The following VWA3A variants were observed in gnomAD, a reference collection of about 807,000 sequenced individuals.
VWA3A encodes the protein von Willebrand factor A domain-containing protein 3A.
In VWA3A, 134 loss-of-function variants were observed where a neutral mutation model predicts 160.4. The observed-to-expected ratio is 0.84, with a 90% CI of 0.73 to 0.96. The LOEUF (loss-of-function observed/expected upper bound fraction) is 0.96, where lower values mean the gene tolerates loss of function less well. Among genes scored for constraint, VWA3A ranks in the 40% least tolerant of loss-of-function variants. The pLI is 0.00. For synonymous variants in VWA3A, 476 were observed against 543.4 expected, an observed-to-expected ratio of 0.88 and a Z score of 1.72; for missense variants, 1,310 against 1,447.9, an observed-to-expected ratio of 0.90 and a Z score of 1.55.
chr16:22,114,932 A>G (rs909183905), intron 8 of VWA3A, among the ~76,000 whole-genome samples: 4 of 152,028 alleles, frequency 2.6e-5, no homozygotes, highest in Non-Finnish European at 5.9e-5. Context: ...CAGCCTCCCA[A>G]GTAGCTGGGA....
intron 19 of VWA3A, 121 bp from the exon 20 acceptor site, chr16:22,132,779 C>T: frequency 1.1e-6 from 1 of 915,076 alleles, no homozygotes; most frequent in South Asian, 1.8e-5. Context: ...CATCCTTGTG[C>T]CAAGGACTGG....
chr16:22,121,662 C>A, intron 14 of VWA3A, 45 bp downstream of exon 14: 1 of 1,459,876 alleles, frequency 6.8e-7, no homozygotes, highest in South Asian at 1.1e-5. Context: ...CAGGAGAGCT[C>A]CCTTGTGGCT....
At chr16:22,148,120 CCTCA>C in intron 27 of VWA3A, 38 bp from the exon 28 acceptor site, 1 of 1,546,786 alleles carries the variant, frequency 6.5e-7, no homozygotes. Context: ...AGGAGGGACC[CCTCA>C]CTCCCTCCCT....
chr16:22,115,570 G>A, intron 9 of VWA3A, 98 bp downstream of exon 9: 1 of 1,356,266 alleles, frequency 7.4e-7, no homozygotes. Flanking sequence ...AGTGGCTCAT[G>A]CCTGTAATCC....
In VWA3A at chr16:22,144,234, C is replaced by T. The variant is rs554282840; in HGVS notation, c.2593-13C>T. 4.1e-5 allele frequency: 66 copies of T among 1,605,334 alleles called. No homozygotes were observed. Among genetic ancestry groups the T allele is most frequent in the Middle Eastern group, 1.7e-4 (1 of 6,048 alleles). On this transcript the variant is annotated splice_polypyrimidine_tract_variant and intron_variant, in intron 25 of 33. Transcript: ENST00000389398. Reference sequence around the variant, plus strand: ...AATTGCCTAAGATAATAGTTCTTTCCTTTATTCTAAAGTGGGTGGCAAAAT... The same window carrying T: ...AATTGCCTAAGATAATAGTTCTTTCTTTTATTCTAAAGTGGGTGGCAAAAT...
chr16:22,122,981 A>G lies in VWA3A; in HGVS notation c.1357-104A>G, dbSNP rs1284220694. 7.7e-6 allele frequency: 7 copies of G among 905,234 alleles called. No homozygotes were observed. In the East Asian group the frequency reaches 1.6e-4, roughly 21 times the overall value. 56.1% of individuals were successfully genotyped at this position (905,234 alleles called of 1,614,324 possible). On this transcript the variant is annotated intron_variant, in intron 14 of 33. Transcript: ENST00000389398. ...TCGATCCGACCTCAAATGTGTTCAG[A>G]GTCCACTTCACTCTCCTGCACCTGA...
chr16:22,109,635 T>C, intron 7 of VWA3A, 55 bp downstream of exon 7: 2 of 1,498,284 alleles, frequency 1.3e-6, no homozygotes, highest in Non-Finnish European at 9.2e-7. Context: ...CCCCAGCCTT[T>C]CCTTCCTGAG....
intron 1 of VWA3A, among the ~76,000 whole-genome samples, chr16:22,094,959 C>T (rs973062440): frequency 3.4e-5 from 5 of 147,874 alleles, no homozygotes; most frequent in African/African-American, 1.0e-4. Flanking sequence ...AAGAGCAAGA[C>T]TCCGTCTCAA....
rs538167206 is a variant in VWA3A, at chr16:22,147,337, C to A, written c.2840-825C>A. Among the ~76,000 whole-genome samples the A allele has an allele frequency of 9.9e-5, 15 of 152,210 alleles. No individual in the cohort carries two copies. In the East Asian group the frequency reaches 2.7e-3, roughly 27 times the overall value. On this transcript the variant is annotated intron_variant, in intron 27 of 33. Transcript: ENST00000389398. ...CTGTGTACCTCTTTACAGAGAGCAC[C>A]AAGTCCCCTCCAGGAGAGGTGAATG...
intron 8 of VWA3A, among the ~76,000 whole-genome samples, chr16:22,111,624 G>A (rs2045552846): frequency 6.6e-6 from 1 of 152,148 alleles, no homozygotes; most frequent in East Asian, 1.9e-4. Flanking sequence ...TGAGATTATA[G>A]GCATGCACTA....
At chr16:22,127,474 TAAGGG>T (rs1378109336) in intron 17 of VWA3A, among the ~76,000 whole-genome samples, 1 of 152,092 alleles carries the variant, frequency 6.6e-6, no homozygotes, top group African/African-American at 2.4e-5. Context: ...TTTTAACTAA[TAAGGG>T]AAGACAGAGA....
intron 8 of VWA3A, among the ~76,000 whole-genome samples, chr16:22,113,539 T>C (rs1028839205): frequency 2.0e-5 from 3 of 151,460 alleles, no homozygotes; most frequent in African/African-American, 7.3e-5. Context: ...ATGTGTACTA[T>C]TGTTGATTTT....
intron 16 of VWA3A, among the ~76,000 whole-genome samples, chr16:22,125,671 C>T (rs1002423912): frequency 2.0e-5 from 3 of 152,110 alleles, no homozygotes; most frequent in Non-Finnish European, 4.4e-5. Flanking sequence ...GATCCGCCCG[C>T]CTCGGCCTCC....
rs757393381 is a variant in VWA3A at position 22,148,225 on chromosome 16, G to A, written c.2903G>A (p.Gly968Glu). 4 of 1,600,992 alleles carry A rather than the reference G, an allele frequency of 2.5e-6. No homozygotes were observed. The highest frequency in any genetic ancestry group is 1.3e-5 in the African/African-American group (1 of 74,684). ...GTATGCATATTGCTGGACACGTCAG[G>A]GTCCATGGGCCCCTACCTGCAGCAG... Reference protein sequence around the residue: ...SKVCILLDTSGSMGPYLQQVK... With the variant: ...SKVCILLDTSESMGPYLQQVK... The change falls in exon 28 of 34, where the codon GGG (glycine) becomes GAG (glutamate). Residue 968 changes from glycine (G) to glutamate (E), a missense_variant. Coordinates refer to ENST00000389398, the MANE Select transcript of VWA3A (RefSeq NM_173615.5).
intron 8 of VWA3A, among the ~76,000 whole-genome samples, chr16:22,113,723 C>T (rs916732683): frequency 2.6e-5 from 4 of 152,016 alleles, no homozygotes; most frequent in African/African-American, 9.7e-5. Context: ...CTCAGCCTCC[C>T]CAGTAGCAGG....
At chr16:22,097,524 C>T in intron 2 of VWA3A, 48 bp from the exon 3 acceptor site, 1 of 1,546,350 alleles carries the variant, frequency 6.5e-7, no homozygotes, top group Non-Finnish European at 8.7e-7. Context: ...GGGTATCAAA[C>T]CTATGCCCAG....
chr16:22,111,041 C>T (rs1250205671), intron 8 of VWA3A, 47 bp downstream of exon 8: 5 of 1,493,314 alleles, frequency 3.3e-6, no homozygotes, highest in Non-Finnish European at 4.6e-6. Flanking sequence ...GTTCATTTTC[C>T]TCCCTAACCA....
chr16:22,134,516 G>A, intron 21 of VWA3A, 78 bp downstream of exon 21: 1 of 1,291,962 alleles, frequency 7.7e-7, no homozygotes, highest in African/African-American at 1.5e-5. Context: ...GCCACAAACT[G>A]GGTGGCTTAA....
chr16:22,133,865 T>C (rs2045993205), intron 20 of VWA3A, among the ~76,000 whole-genome samples: 1 of 152,090 alleles, frequency 6.6e-6, no homozygotes, highest in East Asian at 1.9e-4. Context: ...TGTCATAGAA[T>C]GTCAGAGCTA....
Sources: allele counts gnomAD v4.1 joint callset (sites outside exome capture counted in the v4.1 genomes callset), GRCh38; gene constraint gnomAD v4.1.1; transcripts MANE v1.5; gene names NCBI Gene and HGNC (gene_info 2026-07-23, HGNC 2026-07-21).